Variants in TNR observed in about 807,000 individuals in gnomAD.
The protein encoded by TNR is tenascin R.
Under a neutral mutation model 150.4 loss-of-function variants are expected in TNR, and 45 were observed. That is an observed-to-expected ratio of 0.30 (90% CI 0.24 to 0.38). TNR has a LOEUF of 0.38. Ranked by LOEUF, TNR falls within the 10% of genes least tolerant of loss-of-function variation. The pLI is 1.00. For synonymous variants in TNR, 687 were observed against 678.4 expected, an observed-to-expected ratio of 1.01 and a Z score of -0.20; for missense variants, 1,544 against 1,759.1, an observed-to-expected ratio of 0.88 and a Z score of 2.19.
chr1:175,736,458 T>C (rs914803777), intron 1 of TNR, among the ~76,000 whole-genome samples: 13 of 151,906 alleles, frequency 8.6e-5, no homozygotes, highest in African/African-American at 3.1e-4. Context: ...GAGGCAGAGT[T>C]TGCAGTGAGC....
At chr1:175,724,122 G>A (rs1667413919) in intron 1 of TNR, among the ~76,000 whole-genome samples, 1 of 152,120 alleles carries the variant, frequency 6.6e-6, no homozygotes, top group African/African-American at 2.4e-5. Flanking sequence ...ATGAGGGTTT[G>A]CGATCAGGAT....
At chr1:175,437,120 G>A (rs1255812984) in intron 2 of TNR, among the ~76,000 whole-genome samples, 1 of 152,150 alleles carries the variant, frequency 6.6e-6, no homozygotes, top group Non-Finnish European at 1.5e-5. Context: ...TGACCACATA[G>A]TTGGAAGTAA....
At chr1:175,611,195 A>G (rs975775154) in intron 1 of TNR, among the ~76,000 whole-genome samples, 5 of 152,194 alleles carry the variant, frequency 3.3e-5, no homozygotes, top group African/African-American at 1.2e-4. Context: ...GCTTTTGATC[A>G]CTGGAGGCTT....
chr1:175,405,618 AGTGTGTGTGTGT>A (rs60670165), intron 3 of TNR, among the ~76,000 whole-genome samples: 13 of 150,206 alleles, frequency 8.7e-5, no homozygotes, highest in South Asian at 4.3e-4. Context: ...TGTGTGTGAG[AGTGTGTGTGTGT>A]GTGTGTGTGT....
At chr1:175,557,172 G>A (rs2102205660) in intron 1 of TNR, among the ~76,000 whole-genome samples, 1 of 152,286 alleles carries the variant, frequency 6.6e-6, no homozygotes, top group South Asian at 2.1e-4. Context: ...CATGACACTG[G>A]AAGCAGACCT....
At chr1:175,578,760 T>C (rs1374017502) in intron 1 of TNR, among the ~76,000 whole-genome samples, 1 of 152,172 alleles carries the variant, frequency 6.6e-6, no homozygotes, top group Non-Finnish European at 1.5e-5. Context: ...CACTCACCAT[T>C]GAGAAGAATT....
At chr1:175,546,908 C>T (rs975638974) in intron 1 of TNR, among the ~76,000 whole-genome samples, 1 of 152,328 alleles carries the variant, frequency 6.6e-6, no homozygotes, top group South Asian at 2.1e-4. Context: ...TGACCAGAGT[C>T]AATTTTTTCC....
At chr1:175,622,523 C>T (rs56173454) in intron 1 of TNR, among the ~76,000 whole-genome samples, 1,895 of 152,332 alleles carry the variant, frequency 0.012, 44 homozygotes, top group African/African-American at 0.043. Context: ...ATGGAACACC[C>T]TCTAGCCCGA....
intron 9 of TNR, among the ~76,000 whole-genome samples, chr1:175,376,620 C>G (rs951815898): frequency 5.3e-5 from 8 of 152,104 alleles, no homozygotes; most frequent in Admixed American, 5.2e-4. Flanking sequence ...TGTTTTAGAG[C>G]CAGAGTCAAA....
chr1:175,626,922 G>A (rs1379093014), intron 1 of TNR, among the ~76,000 whole-genome samples: 1 of 152,196 alleles, frequency 6.6e-6, no homozygotes, highest in Non-Finnish European at 1.5e-5. Context: ...CATGACAGAA[G>A]TTAAGATTGC....
intron 1 of TNR, among the ~76,000 whole-genome samples, chr1:175,721,424 T>C (rs79413655): frequency 0.016 from 2,509 of 152,282 alleles, 30 homozygotes; most frequent in Non-Finnish European, 0.027. Flanking sequence ...AGTTGTGCTA[T>C]GCTCTTAGTG....
In TNR at chr1:175,354,380, T is replaced by G. The variant is rs753991728; in HGVS notation, c.3382+11A>C. ...GGAGAAGAAGGCATCAAAGTGGCCA[T>G]GCTCCCTCACCTGTGGTGAAAGCGG... On this transcript the variant is annotated intron_variant, in intron 18 of 22. Transcript: ENST00000367674. 6.2e-7 allele frequency: 1 copy of G among 1,613,160 alleles called. No homozygotes were observed. The highest frequency in any genetic ancestry group is 2.2e-5 in the East Asian group (1 of 44,792).
intron 1 of TNR, among the ~76,000 whole-genome samples, chr1:175,617,216 C>A (rs1166442566): frequency 2.0e-5 from 3 of 152,182 alleles, no homozygotes; most frequent in Non-Finnish European, 4.4e-5. Context: ...ACCGGAACAC[C>A]TTTACTGATC....
intron 1 of TNR, among the ~76,000 whole-genome samples, chr1:175,580,322 G>C (rs771268884): frequency 1.3e-5 from 2 of 152,188 alleles, no homozygotes; most frequent in Non-Finnish European, 2.9e-5. Flanking sequence ...CACTGGGTAA[G>C]AGCTCAGAAA....
chr1:175,440,152 TA>T (rs1655715752), intron 2 of TNR, among the ~76,000 whole-genome samples: 1 of 152,014 alleles, frequency 6.6e-6, no homozygotes, highest in African/African-American at 2.4e-5. Flanking sequence ...TAGACTGGAT[TA>T]AGAAAATGTG....
At chr1:175,472,553 G>C (rs1264552641) in intron 2 of TNR, among the ~76,000 whole-genome samples, 1 of 152,184 alleles carries the variant, frequency 6.6e-6, no homozygotes. Flanking sequence ...AATGCATTGG[G>C]CTACAACATC....
intron 2 of TNR, among the ~76,000 whole-genome samples, chr1:175,525,035 C>T (rs1659796636): frequency 6.6e-6 from 1 of 152,146 alleles, no homozygotes; most frequent in South Asian, 2.1e-4. Flanking sequence ...ATAATTCCCA[C>T]ATGGCATGGG....
intron 2 of TNR, among the ~76,000 whole-genome samples, chr1:175,432,499 T>C (rs1655321103): frequency 6.6e-6 from 1 of 152,244 alleles, no homozygotes; most frequent in Middle Eastern, 3.4e-3. Flanking sequence ...TCCTTTCCCT[T>C]CTTTCTATAG....
chr1:175,648,434 G>A (rs915674284), intron 1 of TNR, among the ~76,000 whole-genome samples: 1 of 152,054 alleles, frequency 6.6e-6, no homozygotes, highest in Non-Finnish European at 1.5e-5. Context: ...TCTTAAAAGG[G>A]CAACCAACCA....
Sources: allele counts gnomAD v4.1 joint callset (sites outside exome capture counted in the v4.1 genomes callset), GRCh38; gene constraint gnomAD v4.1.1; transcripts MANE v1.5; gene names NCBI Gene and HGNC (gene_info 2026-07-23, HGNC 2026-07-21).